Variants in MCTP1 observed in about 807,000 individuals in gnomAD.
The protein encoded by MCTP1 is multiple C2 and transmembrane domain containing 1.
Under a neutral mutation model 120.6 loss-of-function variants are expected in MCTP1, and 69 were observed. That is an observed-to-expected ratio of 0.57 (90% CI 0.47 to 0.70). The LOEUF (loss-of-function observed/expected upper bound fraction) is 0.70. MCTP1 is among the 30% of genes least tolerant of loss of function. The pLI, the probability that MCTP1 is intolerant of heterozygous loss-of-function variation, is 0.00. For missense variants in MCTP1, 1,203 were observed against 1,248.8 expected, an observed-to-expected ratio of 0.96 and a Z score of 0.55; for synonymous variants, 529 against 493.1, an observed-to-expected ratio of 1.07 and a Z score of -0.96.
intron 1 of MCTP1, among the ~76,000 whole-genome samples, chr5:95,022,831 C>G (rs1285715773): frequency 6.6e-6 from 1 of 152,182 alleles, no homozygotes; most frequent in Non-Finnish European, 1.5e-5. Context: ...CATTCAGGAG[C>G]TATAATAAAA....
intron 1 of MCTP1, among the ~76,000 whole-genome samples, chr5:95,121,045 A>G (rs1758185519): frequency 6.6e-6 from 1 of 152,084 alleles, no homozygotes; most frequent in Admixed American, 6.5e-5. Flanking sequence ...TTGTCAGGCC[A>G]AGGTGGGCGG....
intron 19 of MCTP1, among the ~76,000 whole-genome samples, chr5:94,743,102 C>G (rs1229232048): frequency 6.8e-6 from 1 of 146,496 alleles, no homozygotes; most frequent in African/African-American, 2.5e-5. Context: ...GTACGAACAT[C>G]TAATAAGAAT....
intron 1 of MCTP1, among the ~76,000 whole-genome samples, chr5:95,201,628 C>A (rs920389310): frequency 2.0e-5 from 3 of 151,116 alleles, no homozygotes; most frequent in Non-Finnish European, 2.9e-5. Context: ...CCTTAGCGTC[C>A]TGAGTAGCTG....
intron 10 of MCTP1, among the ~76,000 whole-genome samples, chr5:94,905,600 A>T (rs1405227176): frequency 6.6e-6 from 1 of 152,186 alleles, no homozygotes; most frequent in Non-Finnish European, 1.5e-5. Flanking sequence ...ATTTGATGAG[A>T]GTGAGAGAAA....
At chr5:94,867,237 C>T (rs1003146057) in intron 17 of MCTP1, 39 of 1,433,088 alleles carry the variant, frequency 2.7e-5, no homozygotes, top group African/African-American at 5.8e-5. Flanking sequence ...TAAAACTTAA[C>T]GATAATGACA....
At chr5:94,962,221 T>C (rs1824436066) in intron 2 of MCTP1, among the ~76,000 whole-genome samples, 1 of 152,044 alleles carries the variant, frequency 6.6e-6, no homozygotes, top group African/African-American at 2.4e-5. Context: ...ACAACCACTA[T>C]GGAAAATGGT....
At chr5:95,175,645 C>A (rs1747879497) in intron 1 of MCTP1, among the ~76,000 whole-genome samples, 1 of 152,210 alleles carries the variant, frequency 6.6e-6, no homozygotes, top group African/African-American at 2.4e-5. Flanking sequence ...TTGGTGAAGA[C>A]TGCTTGAAAT....
chr5:95,127,169 T>G (rs1209275783), intron 1 of MCTP1, among the ~76,000 whole-genome samples: 1 of 152,092 alleles, frequency 6.6e-6, no homozygotes, highest in African/African-American at 2.4e-5. Context: ...AAAATATTCT[T>G]GAAGGGTCCG....
intron 6 of MCTP1, among the ~76,000 whole-genome samples, chr5:94,924,717 C>T (rs1005740198): frequency 2.6e-5 from 4 of 152,152 alleles, no homozygotes; most frequent in Admixed American, 1.3e-4. Context: ...ATCTAAATTA[C>T]AGTCTTCCCT....
At chr5:95,253,685 A>G (rs1209764178) in intron 1 of MCTP1, among the ~76,000 whole-genome samples, 1 of 152,148 alleles carries the variant, frequency 6.6e-6, no homozygotes, top group Non-Finnish European at 1.5e-5. Flanking sequence ...AAGTAAGAAA[A>G]CAATAAATAT....
In MCTP1 at chr5:94,870,883, T is replaced by C. The variant is rs368220274; in HGVS notation, c.2230A>G (p.Ile744Val). 2.5e-5 allele frequency: 40 copies of C among 1,611,192 alleles called. No homozygotes were observed. Among genetic ancestry groups the C allele is most frequent in the Non-Finnish European group, 3.4e-5 (40 of 1,177,572 alleles). ...AAGTTAAGACTTACAGCATTAAAAA[T>C]CACATCTATTTCAAGATAGATGACC... is the stretch of plus-strand genomic sequence containing the variant. Reference protein sequence around the residue: ...KGVIYLEIDVIFNAVKASLRT... With the variant: ...KGVIYLEIDVVFNAVKASLRT... Residue 744 changes from isoleucine (I) to valine (V), a missense_variant, in exon 15 of 23, where the codon ATT becomes GTT. Transcript: ENST00000515393.
At chr5:95,048,866 A>T (rs1367949390) in intron 1 of MCTP1, among the ~76,000 whole-genome samples, 2 of 152,182 alleles carry the variant, frequency 1.3e-5, no homozygotes, top group Non-Finnish European at 2.9e-5. Flanking sequence ...GTAGAAAAGA[A>T]AGGGGAAGTC....
At chr5:94,794,768 A>G (rs1222456789) in intron 18 of MCTP1, among the ~76,000 whole-genome samples, 1 of 152,258 alleles carries the variant, frequency 6.6e-6, no homozygotes, top group Admixed American at 6.5e-5. Context: ...TGCTTGATAA[A>G]TATCATTTTT....
chr5:94,776,547 T>C (rs929503396), intron 19 of MCTP1, among the ~76,000 whole-genome samples: 2 of 152,176 alleles, frequency 1.3e-5, no homozygotes, highest in African/African-American at 4.8e-5. Context: ...TTTTACATAC[T>C]TCCAACATAT....
chr5:95,035,979 G>A (rs13156286), intron 1 of MCTP1, among the ~76,000 whole-genome samples: 107,041 of 151,882 alleles, frequency 0.7, 39,646 homozygotes, highest in Non-Finnish European at 0.85. Context: ...CACCAAAATA[G>A]TATTTATTGG....
intron 1 of MCTP1, among the ~76,000 whole-genome samples, chr5:95,149,404 C>T (rs887337653): frequency 6.6e-6 from 1 of 152,106 alleles, no homozygotes; most frequent in Non-Finnish European, 1.5e-5. Flanking sequence ...GAGCAGGGGA[C>T]ACATGATCTG....
intron 1 of MCTP1, among the ~76,000 whole-genome samples, chr5:95,271,797 T>TATAGATAG (rs201312237): frequency 6.6e-6 from 1 of 151,270 alleles, no homozygotes; most frequent in African/African-American, 2.4e-5. Flanking sequence ...TATATAGCTA[T>TATAGATAG]ATAGATAGAT....
At chr5:95,015,408 T>A (rs920844698) in intron 2 of MCTP1, among the ~76,000 whole-genome samples, 1 of 152,138 alleles carries the variant, frequency 6.6e-6, no homozygotes, top group East Asian at 1.9e-4. Context: ...TTAAAGACTT[T>A]AAATTAATTA....
chr5:94,981,818 AG>A (rs1190679493), intron 2 of MCTP1, among the ~76,000 whole-genome samples: 2 of 152,176 alleles, frequency 1.3e-5, no homozygotes, highest in East Asian at 3.9e-4. Flanking sequence ...TGGCCTAGAA[AG>A]TGAATGAAAG....
Sources: gnomAD v4.1 joint callset for allele counts (sites outside exome capture counted in the v4.1 genomes callset) on GRCh38, gnomAD v4.1.1 for gene constraint, MANE v1.5 for transcripts, NCBI Gene and HGNC (gene_info 2026-07-23, HGNC 2026-07-21) for gene names.